STAP1: variants seen among roughly 807,000 people sequenced by gnomAD.
The protein encoded by STAP1 is signal-transducing adaptor protein 1.
Under a neutral mutation model 37.8 loss-of-function variants are expected in STAP1, and 30 were observed. That is an observed-to-expected ratio of 0.79 (90% CI 0.59 to 1.08). The LOEUF is 1.08. Among genes scored for constraint, STAP1 ranks in the 50% least tolerant of loss-of-function variants. The pLI is 0.00. For missense variants in STAP1, 357 were observed against 349.4 expected, an observed-to-expected ratio of 1.02 and a Z score of -0.17; for synonymous variants, 130 against 116.0, an observed-to-expected ratio of 1.12 and a Z score of -0.78.
At chr4:67,598,849 C>T (rs1287871339) in intron 8 of STAP1, among the ~76,000 whole-genome samples, 3 of 152,124 alleles carry the variant, frequency 2.0e-5, no homozygotes, top group African/African-American at 7.2e-5. Flanking sequence ...ACATTTTTGT[C>T]TAGACCAATG....
intron 3 of STAP1, 68 bp from the exon 4 acceptor site, chr4:67,577,131 ATTAT>A (rs1347679335): frequency 7.3e-7 from 1 of 1,369,312 alleles, no homozygotes; most frequent in Non-Finnish European, 1.0e-6. Context: ...CTCAGTCATA[ATTAT>A]TTATTTTATG....
intron 1 of STAP1, among the ~76,000 whole-genome samples, chr4:67,562,541 G>A (rs1727372261): frequency 1.3e-5 from 2 of 151,204 alleles, no homozygotes; most frequent in African/African-American, 2.4e-5. Context: ...CGAGGCGGGC[G>A]GATCACGAGG....
chr4:67,603,653 G>C (rs1308590604), intron 8 of STAP1, among the ~76,000 whole-genome samples: 1 of 152,116 alleles, frequency 6.6e-6, no homozygotes, highest in Admixed American at 6.5e-5. Context: ...TTCTGGCCCA[G>C]GGCGTGTCTA....
intron 1 of STAP1, among the ~76,000 whole-genome samples, chr4:67,566,306 A>G (rs1727470095): frequency 1.3e-5 from 2 of 152,028 alleles, no homozygotes; most frequent in African/African-American, 4.8e-5. Context: ...TCTTCTCCCA[A>G]GTTTGAAACC....
intron 1 of STAP1, among the ~76,000 whole-genome samples, chr4:67,560,281 C>T (rs1264463844): frequency 6.6e-6 from 1 of 152,148 alleles, no homozygotes; most frequent in Non-Finnish European, 1.5e-5. Flanking sequence ...GTGCAAGTTA[C>T]TCAATCTCCT....
intron 3 of STAP1, among the ~76,000 whole-genome samples, chr4:67,576,494 TG>T (rs1727723526): frequency 6.6e-6 from 1 of 152,204 alleles, no homozygotes; most frequent in Non-Finnish European, 1.5e-5. Context: ...TAAGACCTTT[TG>T]CCAAGTTGCC....
chr4:67,577,494 A>G (rs1236449419), intron 4 of STAP1, among the ~76,000 whole-genome samples: 1 of 152,182 alleles, frequency 6.6e-6, no homozygotes, highest in African/African-American at 2.4e-5. Flanking sequence ...GAAGAAAATA[A>G]ACAAGGCAAT....
intron 4 of STAP1, among the ~76,000 whole-genome samples, chr4:67,581,015 C>G (rs1184672150): frequency 6.6e-6 from 1 of 152,154 alleles, no homozygotes; most frequent in Non-Finnish European, 1.5e-5. Context: ...TTTGTTGTTA[C>G]TTGAATTAGC....
intron 8 of STAP1, among the ~76,000 whole-genome samples, chr4:67,604,253 G>T (rs1471434573): frequency 6.6e-6 from 1 of 152,238 alleles, no homozygotes; most frequent in East Asian, 1.9e-4. Flanking sequence ...GATGGGGGAA[G>T]AGACCAGGTT....
intron 3 of STAP1, 143 bp downstream of exon 3, chr4:67,575,641 C>A: frequency 1.5e-6 from 1 of 649,012 alleles, no homozygotes; most frequent in Non-Finnish European, 2.6e-6. Flanking sequence ...TGGCCAAGAC[C>A]TAGTTTTCTG....
intron 8 of STAP1, among the ~76,000 whole-genome samples, chr4:67,598,607 G>T (rs1399350302): frequency 1.3e-5 from 2 of 152,064 alleles, no homozygotes; most frequent in African/African-American, 4.8e-5. Context: ...CAGATATTTT[G>T]CCCATTTTTA....
At chr4:67,574,980 AT>A (rs1157589097) in intron 2 of STAP1, among the ~76,000 whole-genome samples, 1 of 152,204 alleles carries the variant, frequency 6.6e-6, no homozygotes, top group Non-Finnish European at 1.5e-5. Context: ...ATTATATGGT[AT>A]TTTCACCATC....
At chr4:67,568,506 A>G (rs1727523285) in intron 1 of STAP1, among the ~76,000 whole-genome samples, 1 of 152,184 alleles carries the variant, frequency 6.6e-6, no homozygotes, top group African/African-American at 2.4e-5. Context: ...TTTGTAATAT[A>G]GTCACTCTTC....
intron 5 of STAP1, among the ~76,000 whole-genome samples, chr4:67,582,802 A>T (rs1727893713): frequency 6.6e-6 from 1 of 152,156 alleles, no homozygotes; most frequent in African/African-American, 2.4e-5. Context: ...TCTGTTTTTC[A>T]CTTTCAGTAT....
rs552711763 is a variant in STAP1, at chr4:67,602,720, C to T, written c.827-3576C>T. ...CCCAACAAATGGAGTCTCTCCCCAC[C>T]TCCTCTCTCTCTCTCTGTGTGTGTG... On this transcript the variant is annotated intron_variant, in intron 8 of 8. Coordinates refer to ENST00000265404, the MANE Select transcript of STAP1 (RefSeq NM_012108.4). Among the ~76,000 whole-genome samples, 5 of 152,252 alleles carry T rather than the reference C, an allele frequency of 3.3e-5. No individual in the cohort carries two copies. The South Asian group carries it at 1.0e-3, about 32-fold the overall frequency.
chr4:67,590,655 A>G (rs183554522), intron 6 of STAP1, among the ~76,000 whole-genome samples: 11 of 151,956 alleles, frequency 7.2e-5, no homozygotes, highest in Middle Eastern at 3.4e-3. Context: ...CACCCACTCA[A>G]TGACCCAGAT....
chr4:67,562,713 A>G (rs1002047040), intron 1 of STAP1, among the ~76,000 whole-genome samples: 9 of 151,966 alleles, frequency 5.9e-5, no homozygotes, highest in African/African-American at 1.9e-4. Context: ...CGGAGCTTGC[A>G]GGGAGCGGAG....
chr4:67,598,286 G>A (rs1210851487), intron 8 of STAP1, among the ~76,000 whole-genome samples: 2 of 152,138 alleles, frequency 1.3e-5, no homozygotes, highest in African/African-American at 4.8e-5. Flanking sequence ...TTTCTTTGGG[G>A]TATATACCTA....
intron 1 of STAP1, among the ~76,000 whole-genome samples, chr4:67,565,192 C>G (rs949044871): frequency 6.6e-6 from 1 of 152,090 alleles, no homozygotes; most frequent in South Asian, 2.1e-4. Flanking sequence ...TGAGAAAGTA[C>G]AAGTATTTTT....
Sources: allele counts gnomAD v4.1 joint callset (sites outside exome capture counted in the v4.1 genomes callset), GRCh38; gene constraint gnomAD v4.1.1; transcripts MANE v1.5; gene names NCBI Gene and HGNC (gene_info 2026-07-23, HGNC 2026-07-21).